TAFA2: variants seen among roughly 807,000 people sequenced by gnomAD.
TAFA2 encodes the protein chemokine-like protein TAFA-2.
Under a neutral mutation model 18.8 loss-of-function variants are expected in TAFA2, and 7 were observed. The ratio of observed to expected loss-of-function variants is 0.37; its 90% CI spans 0.21 to 0.70. TAFA2 has a LOEUF of 0.70. Ranked by LOEUF, TAFA2 falls within the 30% of genes least tolerant of loss-of-function variation. TAFA2 has a pLI of 0.53. For synonymous variants in TAFA2, 60 were observed against 54.2 expected, an observed-to-expected ratio of 1.11 and a Z score of -0.47; for missense variants, 122 against 158.1, an observed-to-expected ratio of 0.77 and a Z score of 1.23.
chr12:62,080,959 C>T (rs1052172934), intron 1 of TAFA2, among the ~76,000 whole-genome samples: 1 of 152,152 alleles, frequency 6.6e-6, no homozygotes, highest in Non-Finnish European at 1.5e-5. Context: ...CTTTGGGAGG[C>T]CAAGGCGGGC....
intron 2 of TAFA2, among the ~76,000 whole-genome samples, chr12:61,795,375 A>C (rs944544462): frequency 3.9e-5 from 6 of 152,178 alleles, no homozygotes; most frequent in Non-Finnish European, 7.3e-5. Flanking sequence ...TGTGGCATAT[A>C]TACACCATGG....
intron 1 of TAFA2, among the ~76,000 whole-genome samples, chr12:62,076,253 T>C (rs1868247960): frequency 6.6e-6 from 1 of 152,094 alleles, no homozygotes; most frequent in Non-Finnish European, 1.5e-5. Context: ...AACAGACATG[T>C]GGAGAAATAT....
At chr12:61,961,666 T>A (rs1878890146) in intron 1 of TAFA2, among the ~76,000 whole-genome samples, 1 of 151,952 alleles carries the variant, frequency 6.6e-6, no homozygotes, top group South Asian at 2.1e-4. Flanking sequence ...TCACAACAGA[T>A]CCTACAACTC....
intron 2 of TAFA2, among the ~76,000 whole-genome samples, chr12:61,816,238 A>T (rs1872079817): frequency 6.6e-6 from 1 of 151,238 alleles, no homozygotes; most frequent in Non-Finnish European, 1.5e-5. Flanking sequence ...ATGAGTTCTC[A>T]TCATTAGCTC....
chr12:61,865,767 A>G (rs1184779526), intron 2 of TAFA2, among the ~76,000 whole-genome samples: 1 of 152,190 alleles, frequency 6.6e-6, no homozygotes, highest in East Asian at 1.9e-4. Context: ...GACAGGGGAA[A>G]GTATCTTTAT....
At chr12:61,725,597 T>C (rs182578582) in intron 4 of TAFA2, among the ~76,000 whole-genome samples, 66 of 152,260 alleles carry the variant, frequency 4.3e-4, no homozygotes, top group Middle Eastern at 3.4e-3. Flanking sequence ...TAGCTATAAG[T>C]ATTTTGCTTC....
intron 1 of TAFA2, among the ~76,000 whole-genome samples, chr12:62,015,308 A>C (rs1432483176): frequency 1.3e-5 from 2 of 152,246 alleles, no homozygotes; most frequent in Non-Finnish European, 1.5e-5. Flanking sequence ...CATCTAAAAC[A>C]TAACAGGTAC....
At chr12:61,804,452 A>G (rs542867341) in intron 2 of TAFA2, among the ~76,000 whole-genome samples, 10 of 152,160 alleles carry the variant, frequency 6.6e-5, no homozygotes, top group African/African-American at 2.4e-4. Flanking sequence ...CTTCAAGAGA[A>G]AGGCAAAATA....
At chr12:61,715,004 G>T (rs7488729) in intron 4 of TAFA2, among the ~76,000 whole-genome samples, 6,350 of 152,170 alleles carry the variant, frequency 0.042, 436 homozygotes, top group African/African-American at 0.14. Flanking sequence ...CTGACCCTTG[G>T]CCTCCCTGTG....
At chr12:61,905,415 G>C (rs1876303341) in intron 1 of TAFA2, among the ~76,000 whole-genome samples, 1 of 151,996 alleles carries the variant, frequency 6.6e-6, no homozygotes, top group South Asian at 2.1e-4. Flanking sequence ...CTAATTTAGA[G>C]AGTTATAAAT....
At chr12:61,854,648 T>C (rs1873811381) in intron 2 of TAFA2, among the ~76,000 whole-genome samples, 1 of 152,118 alleles carries the variant, frequency 6.6e-6, no homozygotes, top group South Asian at 2.1e-4. Flanking sequence ...TAGACTTTTA[T>C]AGCAGCAACA....
At chr12:61,797,564 A>AT (rs927818989) in intron 2 of TAFA2, among the ~76,000 whole-genome samples, 8 of 152,220 alleles carry the variant, frequency 5.3e-5, no homozygotes, top group African/African-American at 1.7e-4. Context: ...TGAAAAAAAA[A>AT]ATATAAAACC....
intron 4 of TAFA2, among the ~76,000 whole-genome samples, chr12:61,737,695 CA>C (rs1236376013): frequency 6.6e-6 from 1 of 151,664 alleles, no homozygotes; most frequent in Non-Finnish European, 1.5e-5. Flanking sequence ...ATATAATAAA[CA>C]GCAACTTTTA....
At chr12:61,970,014 A>G (rs1208894859) in intron 1 of TAFA2, among the ~76,000 whole-genome samples, 4 of 151,718 alleles carry the variant, frequency 2.6e-5, no homozygotes, top group Non-Finnish European at 5.9e-5. Context: ...AGTCATAATA[A>G]GAGGCCTAGA....
intron 1 of TAFA2, chr12:62,104,709 T>C (rs1219639789): frequency 8.8e-6 from 4 of 455,616 alleles, no homozygotes; most frequent in South Asian, 6.2e-5. Flanking sequence ...GACTTGATGG[T>C]ACAATTTGTC....
At chr12:61,994,413 C>G (rs1880114085) in intron 1 of TAFA2, among the ~76,000 whole-genome samples, 1 of 152,162 alleles carries the variant, frequency 6.6e-6, no homozygotes, top group Non-Finnish European at 1.5e-5. Flanking sequence ...CTCAAGACCT[C>G]TCTCCTGAAA....
At chr12:62,154,145 C>G (rs1252915404) in intron 1 of TAFA2, among the ~76,000 whole-genome samples, 2 of 151,960 alleles carry the variant, frequency 1.3e-5, no homozygotes, top group Non-Finnish European at 1.5e-5. Context: ...TATTTGTTTT[C>G]ATACAAGAAG....
intron 2 of TAFA2, among the ~76,000 whole-genome samples, chr12:61,851,918 A>T (rs966941404): frequency 6.6e-6 from 1 of 150,968 alleles, no homozygotes; most frequent in African/African-American, 2.4e-5. Flanking sequence ...CATTTTGGAT[A>T]AAAGACAAGC....
chr12:61,874,408 G>A (rs1874754215), intron 1 of TAFA2, among the ~76,000 whole-genome samples: 1 of 152,072 alleles, frequency 6.6e-6, no homozygotes, highest in Non-Finnish European at 1.5e-5. Flanking sequence ...GTCAACCCTG[G>A]AGATTTACCC....
Sources: gnomAD v4.1 joint callset for allele counts (sites outside exome capture counted in the v4.1 genomes callset) on GRCh38, gnomAD v4.1.1 for gene constraint, MANE v1.5 for transcripts, NCBI Gene and HGNC (gene_info 2026-07-23, HGNC 2026-07-21) for gene names.